Variants in DLG2 observed in about 807,000 individuals in gnomAD.
The protein encoded by DLG2 is disks large homolog 2.
Under a neutral mutation model 132.5 loss-of-function variants are expected in DLG2, and 45 were observed. The observed-to-expected ratio is 0.34, with a 90% CI of 0.27 to 0.44. The LOEUF (loss-of-function observed/expected upper bound fraction) is 0.44, where lower values mean the gene tolerates loss of function less well. Ranked by LOEUF, DLG2 falls within the 20% of genes least tolerant of loss-of-function variation. DLG2 has a pLI of 1.00. For missense variants in DLG2, 1,045 were observed against 1,196.9 expected, an observed-to-expected ratio of 0.87 and a Z score of 1.87; for synonymous variants, 424 against 419.6, an observed-to-expected ratio of 1.01 and a Z score of -0.13.
At chr11:84,166,578 T>C (rs1444233616) in intron 8 of DLG2, among the ~76,000 whole-genome samples, 3 of 151,528 alleles carry the variant, frequency 2.0e-5, no homozygotes, top group Non-Finnish European at 4.4e-5. Flanking sequence ...TTGTGAAAAT[T>C]TGGTGCCTTT....
intron 8 of DLG2, among the ~76,000 whole-genome samples, chr11:84,174,459 A>G (rs969100184): frequency 1.3e-5 from 2 of 152,148 alleles, no homozygotes; most frequent in African/African-American, 4.8e-5. Context: ...CTCATCTTCA[A>G]AAACGTTTTC....
At chr11:84,040,487 C>T (rs966673785) in intron 11 of DLG2, among the ~76,000 whole-genome samples, 1 of 151,448 alleles carries the variant, frequency 6.6e-6, no homozygotes, top group Non-Finnish European at 1.5e-5. Context: ...AATCCTTTCC[C>T]CATTGCCTGT....
At chr11:84,770,812 A>ATT (rs529457483) in intron 6 of DLG2, among the ~76,000 whole-genome samples, 2 of 141,772 alleles carry the variant, frequency 1.4e-5, no homozygotes, top group African/African-American at 5.2e-5. Flanking sequence ...CGCCTGGCTA[A>ATT]TTTTTTTTTT....
At chr11:85,503,538 A>T (rs2093853827) in intron 3 of DLG2, among the ~76,000 whole-genome samples, 1 of 152,072 alleles carries the variant, frequency 6.6e-6, no homozygotes. Flanking sequence ...TAGGGTTTTT[A>T]AAAGGTGATT....
intron 3 of DLG2, among the ~76,000 whole-genome samples, chr11:85,326,250 C>T (rs1467528815): frequency 1.4e-5 from 2 of 141,194 alleles, no homozygotes; most frequent in Non-Finnish European, 3.0e-5. Context: ...GGCCAACGTT[C>T]AGATTCGGGA....
intron 6 of DLG2, among the ~76,000 whole-genome samples, chr11:84,663,164 A>G (rs1470960660): frequency 6.6e-6 from 1 of 151,984 alleles, no homozygotes; most frequent in Non-Finnish European, 1.5e-5. Flanking sequence ...ATTCTGTATT[A>G]CATTTTCTCC....
At chr11:84,527,116 G>A (rs1189083661) in intron 7 of DLG2, among the ~76,000 whole-genome samples, 1 of 152,138 alleles carries the variant, frequency 6.6e-6, no homozygotes, top group Non-Finnish European at 1.5e-5. Flanking sequence ...ACAGATAAGT[G>A]GGGACTACTG....
At chr11:85,093,588 G>A (rs941494625) in intron 6 of DLG2, among the ~76,000 whole-genome samples, 3 of 152,204 alleles carry the variant, frequency 2.0e-5, no homozygotes, top group South Asian at 2.1e-4. Flanking sequence ...CAATCATGGT[G>A]GAAGGTGAGG....
intron 13 of DLG2, among the ~76,000 whole-genome samples, chr11:83,963,802 C>G (rs1372193741): frequency 1.3e-5 from 2 of 151,972 alleles, no homozygotes; most frequent in African/African-American, 4.8e-5. Context: ...TACCTTTGTT[C>G]CACTGTACCA....
At chr11:83,588,499 T>C (rs2097132170) in intron 19 of DLG2, among the ~76,000 whole-genome samples, 1 of 151,904 alleles carries the variant, frequency 6.6e-6, no homozygotes, top group South Asian at 2.1e-4. Context: ...ACCATCACCA[T>C]CATCAAAGAC....
At chr11:83,921,844 C>T (rs1284084048) in intron 15 of DLG2, among the ~76,000 whole-genome samples, 1 of 93,008 alleles carries the variant, frequency 1.1e-5, no homozygotes, top group East Asian at 1.0e-3. Flanking sequence ...TATTATCTCA[C>T]TTTTAACTTT....
chr11:84,731,124 T>C (rs576622771), intron 6 of DLG2, among the ~76,000 whole-genome samples: 1 of 152,218 alleles, frequency 6.6e-6, no homozygotes, highest in South Asian at 2.1e-4. Context: ...CTTCCTTTAA[T>C]ACAAGGACTG....
At chr11:85,275,270 T>C (rs1051356765) in intron 4 of DLG2, among the ~76,000 whole-genome samples, 1 of 152,174 alleles carries the variant, frequency 6.6e-6, no homozygotes, top group Non-Finnish European at 1.5e-5. Flanking sequence ...ACTCGGGTTT[T>C]TCTGCTAATA....
At chr11:85,288,503 G>A (rs2078697076) in intron 3 of DLG2, among the ~76,000 whole-genome samples, 1 of 151,830 alleles carries the variant, frequency 6.6e-6, no homozygotes, top group Non-Finnish European at 1.5e-5. Flanking sequence ...ACGTATTAAT[G>A]GAGAGAAAAG....
At chr11:84,537,466 C>G (rs2099358392) in intron 6 of DLG2, among the ~76,000 whole-genome samples, 1 of 152,174 alleles carries the variant, frequency 6.6e-6, no homozygotes, top group Non-Finnish European at 1.5e-5. Flanking sequence ...TATAAACAAA[C>G]TATTGAGTCT....
intron 3 of DLG2, among the ~76,000 whole-genome samples, chr11:85,530,711 A>G (rs1335138986): frequency 1.3e-5 from 2 of 152,188 alleles, no homozygotes; most frequent in Non-Finnish European, 2.9e-5. Context: ...TACTAAGACA[A>G]TAAGGTTTGC....
At chr11:85,511,116 G>A (rs575074515) in intron 3 of DLG2, among the ~76,000 whole-genome samples, 10 of 152,004 alleles carry the variant, frequency 6.6e-5, no homozygotes, top group South Asian at 6.2e-4. Flanking sequence ...GCAAACTATC[G>A]CAAGGACAAA....
At chr11:84,293,074 T>G (rs1339150094) in intron 7 of DLG2, among the ~76,000 whole-genome samples, 1 of 152,088 alleles carries the variant, frequency 6.6e-6, no homozygotes, top group Non-Finnish European at 1.5e-5. Flanking sequence ...GAATTTGGTC[T>G]GTATCTGAAA....
intron 4 of DLG2, among the ~76,000 whole-genome samples, chr11:85,238,432 T>G (rs956440788): frequency 1.3e-5 from 2 of 151,498 alleles, no homozygotes; most frequent in African/African-American, 2.4e-5. Context: ...TTAGTAGAGA[T>G]AGGGTTTCAC....
Sources: allele counts gnomAD v4.1 joint callset (sites outside exome capture counted in the v4.1 genomes callset), GRCh38; gene constraint gnomAD v4.1.1; transcripts MANE v1.5; gene names NCBI Gene and HGNC (gene_info 2026-07-23, HGNC 2026-07-21).